MPP7: variants seen among roughly 807,000 people sequenced by gnomAD.
MPP7 encodes MAGUK p55 subfamily member 7.
In MPP7, 60 loss-of-function variants were observed where a neutral mutation model predicts 76.5. The ratio of observed to expected loss-of-function variants is 0.78; its 90% confidence interval spans 0.64 to 0.97. The LOEUF (loss-of-function observed/expected upper bound fraction) is 0.97. MPP7 is among the 50% of genes least tolerant of loss of function. The pLI is 0.00. For synonymous variants in MPP7, 237 were observed against 244.5 expected, an observed-to-expected ratio of 0.97 and a Z score of 0.29; for missense variants, 641 against 694.0, an observed-to-expected ratio of 0.92 and a Z score of 0.86.
At chr10:28,147,659 T>C (rs2133763057) in intron 4 of MPP7, 96 bp from the exon 5 acceptor site, 1 of 1,023,700 alleles carries the variant, frequency 9.8e-7, no homozygotes, top group East Asian at 2.4e-5. Flanking sequence ...TCAAGGCTAT[T>C]ACTTTCCAAT....
intron 3 of MPP7, among the ~76,000 whole-genome samples, chr10:28,177,202 G>C (rs570804959): frequency 2.6e-4 from 38 of 148,370 alleles, no homozygotes; most frequent in Non-Finnish European, 5.2e-4. Flanking sequence ...AGATCATGAG[G>C]TCATGAGTTC....
intron 2 of MPP7, among the ~76,000 whole-genome samples, chr10:28,325,848 C>T (rs1834407739): frequency 6.6e-6 from 1 of 151,944 alleles, no homozygotes; most frequent in Non-Finnish European, 1.5e-5. Flanking sequence ...TGGTGGTGAA[C>T]ACCTATAGTC....
chr10:28,109,864 A>AAC, intron 11 of MPP7, among the ~76,000 whole-genome samples: 1 of 149,590 alleles, frequency 6.7e-6, no homozygotes, highest in Non-Finnish European at 1.5e-5. Flanking sequence ...AAAAAAAAAA[A>AAC]AAAAAAAAAC....
intron 3 of MPP7, among the ~76,000 whole-genome samples, chr10:28,193,449 G>A (rs1427919167): frequency 6.6e-6 from 1 of 152,110 alleles, no homozygotes; most frequent in South Asian, 2.1e-4. Context: ...CTGACCTCAT[G>A]ATCCGCCCGC....
In MPP7 at chr10:28,054,091, C is replaced by A. The variant is rs1851455212; in HGVS notation, c.1705G>T (p.Val569Leu). 6.2e-6 allele frequency: 10 copies of A among 1,613,626 alleles called. No individual in the cohort carries two copies. The highest frequency in any genetic ancestry group is 7.6e-6 in the Non-Finnish European group (9 of 1,179,882). ...TATGAATGTAACCAGCTCACTGGCA[C>A]CCAATGGGTCTCTGTCTCTAATTTG... ...FDKLETETHW[V>L]PVSWLHS The change falls in exon 17 of 17, where the codon GTG (valine) becomes TTG (leucine). Residue 569 changes from valine (V) to leucine (L), a missense_variant. Coordinates refer to ENST00000683449, the MANE Select transcript of MPP7 (RefSeq NM_001318170.2).
chr10:28,274,494 A>G lies in MPP7; in HGVS notation c.-132+28367T>C, dbSNP rs551924134. Among the ~76,000 whole-genome samples, 215 of 152,316 alleles carry G rather than the reference A, an allele frequency of 1.4e-3. 1 individual carries two copies. Among genetic ancestry groups the G allele is most frequent in the Non-Finnish European group, 2.2e-3 (152 of 68,018 alleles). ...CAAAAGAATTTCACACAACATTAACATCACAGAAACAAAATAAATAATATA... is the reference window on the plus strand; with the variant it reads ...CAAAAGAATTTCACACAACATTAACGTCACAGAAACAAAATAAATAATATA... On this transcript the variant is annotated intron_variant, in intron 1 of 16. Transcript: ENST00000683449.
At chr10:28,225,219 T>G (rs1297974875) in intron 2 of MPP7, among the ~76,000 whole-genome samples, 2 of 152,072 alleles carry the variant, frequency 1.3e-5, no homozygotes, top group African/African-American at 4.8e-5. Flanking sequence ...ACCATAAAAC[T>G]CTTATAAGAA....
chr10:28,102,483 T>C (rs1212722134), intron 11 of MPP7, among the ~76,000 whole-genome samples: 2 of 152,190 alleles, frequency 1.3e-5, no homozygotes, highest in Admixed American at 6.5e-5. Flanking sequence ...ACACCAGTGA[T>C]AGCTTATTAA....
At chr10:28,311,314 G>A (rs1841288329) in intron 2 of MPP7, among the ~76,000 whole-genome samples, 1 of 151,482 alleles carries the variant, frequency 6.6e-6, no homozygotes, top group Non-Finnish European at 1.5e-5. Flanking sequence ...GAGGCATACG[G>A]GTGTGAATGA....
chr10:28,126,846 G>A (rs1588816136), intron 6 of MPP7, among the ~76,000 whole-genome samples: 2 of 152,144 alleles, frequency 1.3e-5, no homozygotes, highest in South Asian at 2.1e-4. Context: ...AAGAAATCAT[G>A]ACCACTGCTA....
At chr10:28,280,965 T>C (rs920440700) in intron 1 of MPP7, among the ~76,000 whole-genome samples, 5 of 151,740 alleles carry the variant, frequency 3.3e-5, no homozygotes, top group African/African-American at 1.2e-4. Context: ...AAAACAAGAG[T>C]AATGGAAAAT....
chr10:28,102,498 G>A (rs903569467), intron 11 of MPP7, among the ~76,000 whole-genome samples: 4 of 152,062 alleles, frequency 2.6e-5, no homozygotes, highest in Non-Finnish European at 5.9e-5. Flanking sequence ...TATTAAATAT[G>A]GTTTTAAAGT....
rs556013394 is a variant in MPP7 at position 28,131,595 on chromosome 10, T to G, written c.412A>C (p.Lys138Gln). 1 of 1,605,488 alleles carries G rather than the reference T, an allele frequency of 6.2e-7. No individual in the cohort carries two copies. Among genetic ancestry groups the G allele is most frequent in the Non-Finnish European group, 8.5e-7 (1 of 1,175,198 alleles). The change falls in exon 6 of 17, where the codon AAA becomes CAA. Residue 138 changes from lysine (K) to glutamine (Q), a missense_variant. Transcript: ENST00000683449. Reference sequence around the variant, plus strand: ...CTATTTTTGACCAGACGGATTATTTTTACTGAGTCTTCCTCATCGTCAATA... The same window carrying G: ...CTATTTTTGACCAGACGGATTATTTGTACTGAGTCTTCCTCATCGTCAATA... ...EDIDDEEDSV[K>Q]IIRLVKNREP... is the part of the protein sequence containing the mutation.
At chr10:28,331,875 T>G (rs973558948) in intron 1 of MPP7, among the ~76,000 whole-genome samples, 3 of 152,194 alleles carry the variant, frequency 2.0e-5, no homozygotes, top group Admixed American at 6.5e-5. Flanking sequence ...TTGCCTGGCC[T>G]TAAAAGATAT....
At position 28,089,741 on chromosome 10, in the gene MPP7, T is replaced by A; in HGVS notation, c.1053A>T (p.Val351=). 1.4e-5 allele frequency: 22 copies of A among 1,613,950 alleles called. No individual in the cohort carries two copies. The highest frequency in any genetic ancestry group is 1.9e-5 in the Non-Finnish European group (22 of 1,179,860). ...ACGGTGTCACTTCTTCGTATGTGGG[T>A]ACGTCAGCTGTGTCGTACTGATCAC... ...KKSDQYDTAD[V]PTYEEVTPYR... Residue 351 remains valine (V), a synonymous_variant, in exon 12 of 17, where the codon GTA becomes GTT. Coordinates refer to ENST00000683449, the MANE Select transcript of MPP7 (RefSeq NM_001318170.2).
At chr10:28,328,857 C>T (rs1481760327) in intron 2 of MPP7, among the ~76,000 whole-genome samples, 1 of 152,146 alleles carries the variant, frequency 6.6e-6, no homozygotes, top group Non-Finnish European at 1.5e-5. Context: ...ACATACTGTC[C>T]TCACTATACC....
intron 2 of MPP7, among the ~76,000 whole-genome samples, chr10:28,217,123 C>G (rs1040918916): frequency 1.3e-5 from 2 of 152,074 alleles, no homozygotes; most frequent in African/African-American, 4.8e-5. Context: ...TTTTAATACA[C>G]TTTTATCTTC....
intron 4 of MPP7, among the ~76,000 whole-genome samples, chr10:28,149,751 C>A (rs974492850): frequency 6.6e-6 from 1 of 152,108 alleles, no homozygotes; most frequent in Non-Finnish European, 1.5e-5. Flanking sequence ...TACGAAGTTA[C>A]GAAAGCAGAA....
chr10:28,120,631 G>C lies in MPP7; in HGVS notation c.653C>G (p.Pro218Arg). ...TGATGGTGTCTCCTCTTTGCTGCCG[G>C]GTATAATCTTAAATGTAATTGCTCC... Reference protein sequence around the residue: ...SQGAITFKIIPGSKEETPSKE... With the variant: ...SQGAITFKIIRGSKEETPSKE... Residue 218 changes from proline to arginine, a missense_variant, in exon 9 of 17, where the codon CCC (proline) becomes CGC (arginine). Transcript: ENST00000683449. 1 of 1,613,666 alleles carries C rather than the reference G, an allele frequency of 6.2e-7. No homozygotes were observed. Among genetic ancestry groups the C allele is most frequent in the Non-Finnish European group, 8.5e-7 (1 of 1,179,830 alleles).
Sources: allele counts gnomAD v4.1 joint callset (sites outside exome capture counted in the v4.1 genomes callset), GRCh38; gene constraint gnomAD v4.1.1; transcripts MANE v1.5; gene names NCBI Gene and HGNC (gene_info 2026-07-23, HGNC 2026-07-21).